LYST: variants seen among roughly 807,000 people sequenced by gnomAD.
LYST encodes lysosomal trafficking regulator, also known as lysosomal-trafficking regulator.
LYST carries 192 observed loss-of-function variants against 413.6 expected under a neutral mutation model. The observed-to-expected ratio is 0.46, with a 90% CI of 0.41 to 0.52. LYST has a LOEUF of 0.52. LYST is among the 20% of genes least tolerant of loss of function. The pLI is 0.00. For missense variants in LYST, 3,815 were observed against 4,499.9 expected (o/e 0.85, Z 4.35); for synonymous variants, 1,525 against 1,567.3 (o/e 0.97, Z 0.64).
chr1:235,728,110 A>G lies in LYST; in HGVS notation c.9128T>C (p.Val3043Ala). 6.2e-7 allele frequency: 1 copy of G among 1,612,694 alleles called. No individual in the cohort carries two copies. Among genetic ancestry groups the G allele is most frequent in the Non-Finnish European group, 8.5e-7 (1 of 1,178,826 alleles). The change falls in exon 38 of 53, where the codon GTG becomes GCG. Residue 3043 changes from valine to alanine, a missense_variant. Physicochemically the swap from Val to Ala is moderately conservative, Grantham distance 64. This residue lies in a region of LYST where 866 missense variants were observed against 1,156.0 expected (regional missense o/e 0.75). Transcript: ENST00000389793. ...LLLGKCGMYF[V>A]EDNASDTVES... The stretch of plus-strand genomic sequence containing the variant: ...AACTGTATCAGAAGCATTATCTTCC[A>G]CAAAATACATTCCACATTTACCTGC...
chr1:235,738,127 A>G (rs1664978039), intron 31 of LYST: 1 of 1,608,368 alleles, frequency 6.2e-7, no homozygotes, highest in South Asian at 1.1e-5. Flanking sequence ...TTAATGAAGG[A>G]CTTGGCAGGC....
chr1:235,759,562 G>A lies in LYST; in HGVS notation c.6291C>T (p.Ala2097=), dbSNP rs199857997. 3.1e-4 allele frequency: 499 copies of A among 1,613,338 alleles called. No individual in the cohort carries two copies. The highest frequency in any genetic ancestry group is 8.3e-4 in the Middle Eastern group (5 of 6,056). Residue 2097 remains alanine, a synonymous_variant, in exon 23 of 53, where the codon GCC becomes GCT. Transcript: ENST00000389793. The part of the protein sequence containing the change: ...NSSNIIPQQM[A]AHMLRSRSLP... ...GGCTTCTAGAACGCAGCATATGGGC[G>A]GCCATCTGTTGTGGAATAATATTAG...
intron 46 of LYST, among the ~76,000 whole-genome samples, chr1:235,695,629 A>ATTTTTTTTTTTTTTTTTTTTTT (rs148101450): frequency 1.7e-5 from 2 of 116,418 alleles, no homozygotes; most frequent in African/African-American, 6.8e-5. Flanking sequence ...CAGTACTCTA[A>ATTTTTTTTTTTTTTTTTTTTTT]TTTTTTTTTT....
chr1:235,673,973 T>G (rs1012253077), intron 50 of LYST, among the ~76,000 whole-genome samples: 3 of 152,146 alleles, frequency 2.0e-5, no homozygotes, highest in African/African-American at 7.2e-5. Flanking sequence ...TCGTCCCCTT[T>G]CCACTTGGAT....
rs140100938 is a variant in LYST, at chr1:235,699,999, A to G, written c.10375-2727T>C. On this transcript the variant is annotated intron_variant, in intron 45 of 52. Transcript: ENST00000389793. ...ACAAGCAATGGGGAAAGGATTCCCT[A>G]TTTAATAAGTGGTGCTGGGAAAACT... Among the ~76,000 whole-genome samples the G allele has an allele frequency of 6.4e-3, 973 of 152,310 alleles. 9 individuals are homozygous for G. Among genetic ancestry groups the G allele is most frequent in the African/African-American group, 0.022 (917 of 41,574 alleles).
At chr1:235,801,423 C>CCA (rs1553303209) in intron 8 of LYST, among the ~76,000 whole-genome samples, 1 of 151,484 alleles carries the variant, frequency 6.6e-6, no homozygotes, top group Non-Finnish European at 1.5e-5. Flanking sequence ...TGACCCCCCC[C>CCA]TCAAATACCT....
chr1:235,778,725 C>T (rs186663341), intron 16 of LYST, among the ~76,000 whole-genome samples: 43 of 151,696 alleles, frequency 2.8e-4, no homozygotes, highest in Non-Finnish European at 4.9e-4. Flanking sequence ...AGACATACCA[C>T]CCAGCGTATC....
At chr1:235,669,054 T>C (rs1658719274) in intron 50 of LYST, among the ~76,000 whole-genome samples, 2 of 152,296 alleles carry the variant, frequency 1.3e-5, no homozygotes, top group South Asian at 4.1e-4. Context: ...CCCTAACAGG[T>C]ATCTGTGGTA....
chr1:235,804,950 GAA>G (rs1164061419), intron 6 of LYST, among the ~76,000 whole-genome samples: 2 of 152,222 alleles, frequency 1.3e-5, no homozygotes, highest in African/African-American at 4.8e-5. Context: ...AAGCAAGACT[GAA>G]GAGTTTTGTG....
At chr1:235,847,058 G>C (rs543843056) in intron 1 of LYST, among the ~76,000 whole-genome samples, 1 of 152,116 alleles carries the variant, frequency 6.6e-6, no homozygotes, top group East Asian at 1.9e-4. Flanking sequence ...AAAGATCTTC[G>C]CGTAGGCACA....
rs1020736833 is a variant in LYST at position 235,764,495 on chromosome 1, C to CTT, written c.6121+1582_6121+1583dup. Among the ~76,000 whole-genome samples, 382 of 97,886 alleles carry CTT rather than the reference C, an allele frequency of 3.9e-3. 10 individuals carry two copies. The highest frequency in any genetic ancestry group is 9.9e-3 in the African/African-American group (220 of 22,318). The allele number at this position is 97,886 out of a possible 152,430, so 64.2% of individuals were successfully genotyped here. On this transcript the variant is annotated intron_variant, in intron 21 of 52. Transcript: ENST00000389793. Reference sequence around the variant, plus strand: ...TACTACATTTCTTTTTTTTTCTTTTCTTTTTTTTTTTTTTTTTTTTTGAGA... The same window carrying CTT: ...TACTACATTTCTTTTTTTTTCTTTTCTTTTTTTTTTTTTTTTTTTTTTTGAGA...
chr1:235,787,357 T>G lies in LYST; in HGVS notation c.4705A>C (p.Asn1569His), dbSNP rs767687843. ...AGTAAAACAGCTTTCATGTCATCAT[T>G]TGAATCCATGCACACACTACAGAAA... The part of the protein sequence containing the change: ...TLIFRVCMDS[N>H]DDMKAVLLAQ... The change falls in exon 14 of 53, where the codon AAT (asparagine) becomes CAT (histidine). Residue 1569 changes from asparagine to histidine, a missense_variant. Asn to His is a moderately conservative substitution (Grantham distance 68). Around this residue, in one of 4 missense-constraint regions of LYST, gnomAD observed 530 missense variants for 696.5 expected, o/e 0.76. Coordinates refer to ENST00000389793, the MANE Select transcript of LYST (RefSeq NM_000081.4). The G allele has an allele frequency of 8.6e-5, 138 of 1,613,800 alleles. 1 individual carries two copies. In the Middle Eastern group the frequency reaches 6.8e-3, roughly 79 times the overall value.
chr1:235,841,612 G>A (rs1384734461), intron 1 of LYST, among the ~76,000 whole-genome samples: 1 of 152,120 alleles, frequency 6.6e-6, no homozygotes, highest in Non-Finnish European at 1.5e-5. Flanking sequence ...TGAAGACAGG[G>A]GCAAGAGAAC....
chr1:235,841,974 C>A (rs545868768), intron 1 of LYST, among the ~76,000 whole-genome samples: 4 of 152,178 alleles, frequency 2.6e-5, no homozygotes, highest in African/African-American at 9.6e-5. Flanking sequence ...TACTGGTTGG[C>A]TACTAGCTTA....
rs370433232 is a variant in LYST, at chr1:235,806,679, T to G, written c.2457A>C (p.Ala819=). The G allele has an allele frequency of 6.2e-6, 10 of 1,613,660 alleles. No homozygotes were observed. In the African/African-American group the frequency reaches 1.3e-4, roughly 22 times the overall value. Residue 819 remains alanine (A), a synonymous_variant, in exon 6 of 53, where the codon GCA becomes GCC. Transcript: ENST00000389793. ...LNGIRSHSLK[A]FETLIISLGE... ...CTAGGCTGATTATCAGAGTTTCAAA[T>G]GCTTTTAGAGAATGACTTCGAATAC... is the stretch of plus-strand genomic sequence containing the variant.
At chr1:235,870,894 TA>T (rs1284151064), upstream of LYST, among the ~76,000 whole-genome samples, 1 of 152,226 alleles carries the variant, frequency 6.6e-6, no homozygotes, top group Non-Finnish European at 1.5e-5. Context: ...TGGACAATCT[TA>T]ATGCCTACTG....
In LYST at chr1:235,715,260, G is replaced by A; in HGVS notation, c.9725C>T (p.Thr3242Ile). ...CATCCTGACCAGGAAGTGAAGCACA[G>A]TGCCGCTATTGGAATAGTGGGAGCC... ...HYGSHYSNSG[T>I]VLHFLVRMPP... The change falls in exon 42 of 53, where the codon ACT (threonine) becomes ATT (isoleucine). Residue 3242 changes from threonine (T) to isoleucine (I), a missense_variant. This residue lies in a region of LYST where 866 missense variants were observed against 1,156.0 expected (regional missense o/e 0.75). Coordinates refer to ENST00000389793, the MANE Select transcript of LYST (RefSeq NM_000081.4). 6.2e-7 allele frequency: 1 copy of A among 1,613,992 alleles called. No individual in the cohort carries two copies. The highest frequency in any genetic ancestry group is 8.5e-7 in the Non-Finnish European group (1 of 1,179,910).
rs575952855 is a variant in LYST, at chr1:235,746,389, G to A, written c.7919C>T (p.Ala2640Val). 1.2e-5 allele frequency: 19 copies of A among 1,613,840 alleles called. No homozygotes were observed. In the East Asian group the frequency reaches 1.8e-4, roughly 15 times the overall value. The change falls in exon 29 of 53, where the codon GCG (alanine) becomes GTG (valine). Residue 2640 changes from alanine to valine, a missense_variant. Ala to Val is a moderately conservative substitution (Grantham distance 64). Around this residue, in one of 4 missense-constraint regions of LYST, gnomAD observed 771 missense variants for 837.1 expected, o/e 0.92. Coordinates refer to ENST00000389793, the MANE Select transcript of LYST (RefSeq NM_000081.4). Reference protein sequence around the residue: ...NPSQATETELAQRLQRLTVLA... With the variant: ...NPSQATETELVQRLQRLTVLA... ...AACAGTGAGCCTCTGTAGTCTCTGC[G>A]CAAGTTCCGTTTCAGTTGCTTGGCT...
chr1:235,864,901 C>T (rs962630114), intron 1 of LYST, among the ~76,000 whole-genome samples: 7 of 152,124 alleles, frequency 4.6e-5, no homozygotes, highest in African/African-American at 1.7e-4. Flanking sequence ...TGCACTCCAG[C>T]CTGGGAGACA....
Sources: allele counts gnomAD v4.1 joint callset (sites outside exome capture counted in the v4.1 genomes callset), GRCh38; gene constraint gnomAD v4.1.1; regional missense constraint gnomAD v4.1.1; transcripts MANE v1.5; gene names NCBI Gene and HGNC (gene_info 2026-07-23, HGNC 2026-07-21).